PTPN4: variants seen among roughly 807,000 people sequenced by gnomAD.
PTPN4 encodes protein tyrosine phosphatase non-receptor type 4.
In PTPN4, 49 loss-of-function variants were observed where a neutral mutation model predicts 135.5. The ratio of observed to expected loss-of-function variants is 0.36; its 90% confidence interval spans 0.29 to 0.46. The LOEUF (loss-of-function observed/expected upper bound fraction) is 0.46, where lower values mean the gene tolerates loss of function less well. Ranked by LOEUF, PTPN4 falls within the 20% of genes least tolerant of loss-of-function variation. PTPN4 has a pLI of 1.00. For missense variants in PTPN4, 860 were observed against 1,101.0 expected, an observed-to-expected ratio of 0.78 and a Z score of 3.10; for synonymous variants, 333 against 369.9, an observed-to-expected ratio of 0.90 and a Z score of 1.14.
intron 2 of PTPN4, among the ~76,000 whole-genome samples, chr2:119,848,179 C>CT (rs560299244): frequency 0.03 from 4,180 of 138,752 alleles, 77 homozygotes; most frequent in Non-Finnish European, 0.038. Context: ...TTTTCTTTTT[C>CT]TTTTTTTTTT....
chr2:119,815,860 A>G (rs1676977286), intron 2 of PTPN4, among the ~76,000 whole-genome samples: 1 of 152,180 alleles, frequency 6.6e-6, no homozygotes, highest in Admixed American at 6.5e-5. Flanking sequence ...TGTAATATGT[A>G]TAATGCACAA....
intron 2 of PTPN4, among the ~76,000 whole-genome samples, chr2:119,839,077 T>A (rs1451924891): frequency 6.6e-6 from 1 of 152,190 alleles, no homozygotes; most frequent in Non-Finnish European, 1.5e-5. Flanking sequence ...AACTCCCCTA[T>A]TTCAGGAGGG....
intron 3 of PTPN4, among the ~76,000 whole-genome samples, chr2:119,876,945 G>A (rs1265277378): frequency 6.7e-6 from 1 of 149,460 alleles, no homozygotes; most frequent in African/African-American, 2.5e-5. Context: ...GTGTGTGCGT[G>A]AAGGGTGAAG....
chr2:119,906,967 C>T (rs1402226621), intron 10 of PTPN4, among the ~76,000 whole-genome samples: 1 of 152,140 alleles, frequency 6.6e-6, no homozygotes, highest in Non-Finnish European at 1.5e-5. Flanking sequence ...CGTTAAGTTG[C>T]AGGGAACAAA....
chr2:119,922,281 T>G (rs1678749046), intron 12 of PTPN4, among the ~76,000 whole-genome samples: 1 of 151,354 alleles, frequency 6.6e-6, no homozygotes, highest in Non-Finnish European at 1.5e-5. Flanking sequence ...TTCAGAAGGC[T>G]GTTACTGCCC....
intron 1 of PTPN4, among the ~76,000 whole-genome samples, chr2:119,762,206 G>A (rs1259200498): frequency 6.6e-6 from 1 of 151,602 alleles, no homozygotes; most frequent in Non-Finnish European, 1.5e-5. Flanking sequence ...TATTGTTGAA[G>A]GACTTTTAAA....
chr2:119,769,880 A>C (rs1025390880), intron 1 of PTPN4, among the ~76,000 whole-genome samples: 1 of 152,212 alleles, frequency 6.6e-6, no homozygotes, highest in African/African-American at 2.4e-5. Flanking sequence ...AGGTCTTTGG[A>C]GTAATCCAAG....
chr2:119,852,996 A>G (rs1366607456), intron 2 of PTPN4, among the ~76,000 whole-genome samples: 1 of 152,170 alleles, frequency 6.6e-6, no homozygotes, highest in Non-Finnish European at 1.5e-5. Flanking sequence ...ACACTATGTG[A>G]TTTCAGTTAT....
chr2:119,932,680 G>C, intron 14 of PTPN4, 131 bp downstream of exon 14: 1 of 1,091,794 alleles, frequency 9.2e-7, no homozygotes, highest in South Asian at 1.7e-5. Context: ...GATTTTTGTT[G>C]CTCCAGAGCA....
chr2:119,808,343 A>G (rs1004325778), intron 1 of PTPN4, among the ~76,000 whole-genome samples: 9 of 152,226 alleles, frequency 5.9e-5, no homozygotes, highest in African/African-American at 2.2e-4. Context: ...ATCTCAGCCC[A>G]AAATCTCCTT....
Position 119,844,468 on chromosome 2 carries a change from C to T in PTPN4, c.139-18068C>T, listed in dbSNP as rs549683349. On this transcript the variant is annotated intron_variant, in intron 2 of 26. Transcript: ENST00000263708. ...CTCACTTCTCAGACGGGGCAGCTGCCGGGCGGAGGGGCTCCTCACTTCTCA... is the reference window on the plus strand; with the variant it reads ...CTCACTTCTCAGACGGGGCAGCTGCTGGGCGGAGGGGCTCCTCACTTCTCA... Among the ~76,000 whole-genome samples, 1,148 of 145,488 alleles carry T rather than the reference C, an allele frequency of 7.9e-3. 13 individuals are homozygous for T. The highest frequency in any genetic ancestry group is 0.047 in the Middle Eastern group (12 of 256).
At chr2:119,975,977 TTTTA>T (rs957312678) in intron 26 of PTPN4, among the ~76,000 whole-genome samples, 1 of 143,354 alleles carries the variant, frequency 7.0e-6, no homozygotes. Context: ...ATTTATTTTA[TTTTA>T]TTTTTATTTA....
intron 21 of PTPN4, 30 bp downstream of exon 21, chr2:119,956,964 A>C: frequency 6.2e-7 from 1 of 1,602,806 alleles, no homozygotes; most frequent in Non-Finnish European, 8.5e-7. Context: ...TGTTAAATTT[A>C]ATCTTTTAAA....
At chr2:119,890,986 G>T (rs1678231756) in intron 9 of PTPN4, among the ~76,000 whole-genome samples, 1 of 152,136 alleles carries the variant, frequency 6.6e-6, no homozygotes, top group African/African-American at 2.4e-5. Context: ...CTTTATAGGT[G>T]ATGAGACACT....
intron 1 of PTPN4, among the ~76,000 whole-genome samples, chr2:119,784,730 G>A (rs1254441855): frequency 9.6e-5 from 14 of 145,096 alleles, no homozygotes; most frequent in African/African-American, 2.8e-4. Flanking sequence ...TAGAGATGGG[G>A]TTTTGCTGTA....
Position 119,823,988 on chromosome 2 carries a change from A to G in PTPN4, c.138+13997A>G, listed in dbSNP as rs1338265268. Reference sequence around the variant, plus strand: ...CATGCTATAACTATATCTTTTTGATATGTTGTCTTTTCATATTCATTTAGT... The same window carrying G: ...CATGCTATAACTATATCTTTTTGATGTGTTGTCTTTTCATATTCATTTAGT... On this transcript the variant is annotated intron_variant, in intron 2 of 26. Transcript: ENST00000263708. Among the ~76,000 whole-genome samples the G allele has an allele frequency of 3.9e-5, 6 of 152,178 alleles. 1 individual carries two copies.
chr2:119,828,203 C>G (rs1677172286), intron 2 of PTPN4, among the ~76,000 whole-genome samples: 1 of 152,232 alleles, frequency 6.6e-6, no homozygotes. Context: ...CAGTCAGCAT[C>G]AGTTGCCAGC....
At chr2:119,778,956 T>C (rs1439684882) in intron 1 of PTPN4, among the ~76,000 whole-genome samples, 1 of 152,220 alleles carries the variant, frequency 6.6e-6, no homozygotes, top group Admixed American at 6.5e-5. Flanking sequence ...AGAAGCTTCT[T>C]ATTTAAGTTG....
At chr2:119,969,262 C>T (rs1309520426) in intron 26 of PTPN4, among the ~76,000 whole-genome samples, 1 of 152,154 alleles carries the variant, frequency 6.6e-6, no homozygotes, top group African/African-American at 2.4e-5. Flanking sequence ...GTCCTGCCAC[C>T]TCAGCCTCCC....
Sources: gnomAD v4.1 joint callset for allele counts (sites outside exome capture counted in the v4.1 genomes callset) on GRCh38, gnomAD v4.1.1 for gene constraint, MANE v1.5 for transcripts, NCBI Gene and HGNC (gene_info 2026-07-23, HGNC 2026-07-21) for gene names.